The following ARHGEF6 variants were observed in gnomAD, a reference collection of about 807,000 sequenced individuals.
The protein encoded by ARHGEF6 is rho guanine nucleotide exchange factor 6.
A neutral mutation model predicts 70.3 loss-of-function variants in ARHGEF6; 9 were observed. That is an observed-to-expected ratio of 0.13 (90% CI 0.08 to 0.22). ARHGEF6 has a LOEUF of 0.22. ARHGEF6 is among the 10% of genes least tolerant of loss of function. The pLI, the probability that ARHGEF6 is intolerant of heterozygous loss-of-function variation, is 1.00. For synonymous variants in ARHGEF6, 201 were observed against 207.8 expected, an observed-to-expected ratio of 0.97 and a Z score of 0.28; for missense variants, 470 against 563.0, an observed-to-expected ratio of 0.83 and a Z score of 1.67.
chrX:136,692,161 G>T (rs183685475), intron 9 of ARHGEF6, among the ~76,000 whole-genome samples: 1 of 112,094 alleles, frequency 8.9e-6, no homozygotes, highest in Non-Finnish European at 1.9e-5. Flanking sequence ...GAGTCATGCA[G>T]TATGGCACAT....
intron 6 of ARHGEF6, among the ~76,000 whole-genome samples, chrX:136,730,802 T>C (rs1264594200): frequency 9.0e-6 from 1 of 111,362 alleles, no homozygotes; most frequent in African/African-American, 3.3e-5. Flanking sequence ...ATATATAGGA[T>C]TGATATAAAT....
At chrX:136,749,506 T>TA (rs1433061067) in intron 2 of ARHGEF6, among the ~76,000 whole-genome samples, 5 of 111,669 alleles carry the variant, frequency 4.5e-5, no homozygotes, top group African/African-American at 1.6e-4. Context: ...AAAGTTGTGA[T>TA]AAAAAACCTC....
At chrX:136,761,368 T>A (rs1316198584) in intron 2 of ARHGEF6, among the ~76,000 whole-genome samples, 1 of 112,323 alleles carries the variant, frequency 8.9e-6, no homozygotes, top group Admixed American at 9.5e-5. Context: ...TCCATGGATA[T>A]CACTGGGCTG....
intron 5 of ARHGEF6, 32 bp from the exon 6 acceptor site, chrX:136,732,204 T>C (rs2076942739): frequency 4.7e-6 from 5 of 1,070,155 alleles, no homozygotes; most frequent in Non-Finnish European, 5.2e-6. Context: ...TATGTTAATA[T>C]CACAGAAGGC....
intron 6 of ARHGEF6, among the ~76,000 whole-genome samples, chrX:136,714,638 A>G (rs1483953784): frequency 8.9e-6 from 1 of 111,783 alleles, no homozygotes; most frequent in African/African-American, 3.3e-5. Context: ...TGCCAGCCAT[A>G]TACTCACAAG....
intron 6 of ARHGEF6, among the ~76,000 whole-genome samples, chrX:136,729,293 C>T (rs1000900101): frequency 5.8e-5 from 6 of 104,144 alleles, no homozygotes; most frequent in African/African-American, 1.8e-4. Context: ...CATGGTGAAA[C>T]CCCGTCTCTA....
At chrX:136,708,042 C>G (rs1291405586) in intron 8 of ARHGEF6, among the ~76,000 whole-genome samples, 1 of 111,940 alleles carries the variant, frequency 8.9e-6, no homozygotes, top group Non-Finnish European at 1.9e-5. Flanking sequence ...GTATCAGGAG[C>G]AATTCAAAGA....
intron 19 of ARHGEF6, among the ~76,000 whole-genome samples, chrX:136,673,302 T>C (rs1298468375): frequency 9.0e-6 from 1 of 111,013 alleles, no homozygotes; most frequent in Non-Finnish European, 1.9e-5. Flanking sequence ...CGAATATAAG[T>C]GGAAAGCAAA....
At chrX:136,720,531 CA>C (rs1284791977) in intron 6 of ARHGEF6, among the ~76,000 whole-genome samples, 1 of 110,003 alleles carries the variant, frequency 9.1e-6, no homozygotes, top group Admixed American at 9.7e-5. Flanking sequence ...AAAAAGCTAA[CA>C]AAAAACCCCG....
intron 9 of ARHGEF6, 98 bp downstream of exon 9, chrX:136,706,810 G>A (rs2076631389): frequency 1.2e-5 from 12 of 1,027,710 alleles, no homozygotes; most frequent in Non-Finnish European, 1.6e-5. Flanking sequence ...TCATGAACAG[G>A]GATAATCAAG....
intron 16 of ARHGEF6, among the ~76,000 whole-genome samples, chrX:136,678,977 C>A: frequency 8.9e-6 from 1 of 111,811 alleles, no homozygotes; most frequent in Admixed American, 9.5e-5. Flanking sequence ...CTTTAAATCC[C>A]CACACTACCC....
intron 9 of ARHGEF6, among the ~76,000 whole-genome samples, chrX:136,692,119 G>C (rs1278200951): frequency 2.7e-5 from 3 of 111,831 alleles, no homozygotes; most frequent in Non-Finnish European, 5.6e-5. Flanking sequence ...GGAGAGAAAA[G>C]ATGGAGTTTC....
intron 2 of ARHGEF6, among the ~76,000 whole-genome samples, chrX:136,778,716 C>G (rs1382086325): frequency 9.0e-6 from 1 of 111,233 alleles, no homozygotes; most frequent in Non-Finnish European, 1.9e-5. Flanking sequence ...TCTCGAACTC[C>G]TGGGCTATAG....
chrX:136,668,533 C>CTTCTTCTTCTTCTTCTTA (rs61661248), intron 21 of ARHGEF6, among the ~76,000 whole-genome samples: 5 of 98,459 alleles, frequency 5.1e-5, no homozygotes, highest in African/African-American at 1.9e-4. Flanking sequence ...TCTTCTTCTT[C>CTTCTTCTTCTTCTTCTTA]TTATTATTAT....
At chrX:136,680,642 G>A in intron 15 of ARHGEF6, 89 bp downstream of exon 15, 1 of 1,039,420 alleles carries the variant, frequency 9.6e-7, no homozygotes, top group Non-Finnish European at 1.4e-6. Context: ...AAAGACTAAG[G>A]GTGTGCTCGC....
intron 4 of ARHGEF6, 23 bp downstream of exon 4, chrX:136,745,200 G>A (rs1286348666): frequency 1.6e-5 from 19 of 1,208,230 alleles, no homozygotes; most frequent in South Asian, 7.0e-5. Flanking sequence ...TAAAACAGAC[G>A]GAGAATTGGG....
chrX:136,764,239 A>C (rs965230806), intron 2 of ARHGEF6, among the ~76,000 whole-genome samples: 8 of 111,723 alleles, frequency 7.2e-5, no homozygotes, highest in African/African-American at 2.6e-4. Flanking sequence ...AGCTGAACAC[A>C]TGCAGACCCT....
chrX:136,708,188 GA>G (rs759025442), intron 8 of ARHGEF6, among the ~76,000 whole-genome samples: 129 of 110,753 alleles, frequency 1.2e-3, no homozygotes, highest in African/African-American at 4.1e-3. Context: ...CCAGGGAGGG[GA>G]CCATCACACA....
At chrX:136,686,735 T>C (rs937260479) in intron 11 of ARHGEF6, among the ~76,000 whole-genome samples, 1 of 92,275 alleles carries the variant, frequency 1.1e-5, no homozygotes, top group African/African-American at 3.9e-5. Flanking sequence ...TATATATATA[T>C]ATCTCACTGC....
Sources: allele counts gnomAD v4.1 joint callset (sites outside exome capture counted in the v4.1 genomes callset), GRCh38; gene constraint gnomAD v4.1.1; transcripts MANE v1.5; gene names NCBI Gene and HGNC (gene_info 2026-07-23, HGNC 2026-07-21).